RANBP2: variants seen among roughly 807,000 people sequenced by gnomAD.
RANBP2 encodes the protein RAN binding protein 2, also known as E3 SUMO-protein ligase RanBP2.
A neutral mutation model predicts 303.6 loss-of-function variants in RANBP2; 57 were observed. The ratio of observed to expected loss-of-function variants is 0.19; its 90% CI spans 0.15 to 0.23. The LOEUF (loss-of-function observed/expected upper bound fraction) is 0.23, where lower values mean the gene tolerates loss of function less well. RANBP2 is among the 10% of genes least tolerant of loss of function. The probability of loss-of-function intolerance (pLI) is 1.00; values close to 1 mark genes in which losing one functional copy is unlikely to be tolerated. For missense variants in RANBP2, 3,138 were observed against 3,780.8 expected (o/e 0.83, Z 4.46); for synonymous variants, 1,167 against 1,301.5 (o/e 0.90, Z 2.23).
chr2:109,124,797 G>T, the RANBP2 span, among the ~76,000 whole-genome samples: 2 of 152,130 alleles, frequency 1.3e-5, no homozygotes, highest in African/African-American at 4.8e-5. Flanking sequence ...AAATGAGTAC[G>T]TTTAGGGTTG....
downstream of RANBP2, chr2:108,787,057 C>T (rs887536702): frequency 1.1e-5 from 5 of 441,204 alleles, no homozygotes; most frequent in Non-Finnish European, 1.9e-5. Context: ...GCTTGGGCCT[C>T]GTGGAAGCAG....
At chr2:109,129,179 C>T in the RANBP2 span, 5 of 458,356 alleles carry the variant, frequency 1.1e-5, no homozygotes, top group African/African-American at 2.1e-5. Flanking sequence ...CCGCTGGTCT[C>T]CCAGGCGCGA....
the RANBP2 span, among the ~76,000 whole-genome samples, chr2:109,272,506 G>A: frequency 3.3e-5 from 5 of 152,222 alleles, no homozygotes; most frequent in Non-Finnish European, 5.9e-5. Flanking sequence ...CTAACTGTGT[G>A]CTGCACTCAC....
the RANBP2 span, among the ~76,000 whole-genome samples, chr2:108,927,741 C>T: frequency 6.6e-6 from 1 of 152,154 alleles, no homozygotes; most frequent in Admixed American, 6.5e-5. Flanking sequence ...GGTTAGCTAT[C>T]TAGGTCTGGA....
the RANBP2 span, among the ~76,000 whole-genome samples, chr2:108,831,101 G>A: frequency 3.3e-5 from 5 of 151,978 alleles, no homozygotes; most frequent in Admixed American, 6.5e-5. Flanking sequence ...CTTAAACCCC[G>A]GAGGCAGAAG....
chr2:109,176,380 A>G, the RANBP2 span, among the ~76,000 whole-genome samples: 1 of 151,820 alleles, frequency 6.6e-6, no homozygotes, highest in Non-Finnish European at 1.5e-5. Flanking sequence ...AGAGAACACC[A>G]TGTGCAATGG....
the RANBP2 span, among the ~76,000 whole-genome samples, chr2:109,450,917 G>T: frequency 1.3e-5 from 2 of 152,208 alleles, no homozygotes; most frequent in African/African-American, 4.8e-5. Flanking sequence ...ACACTAGATG[G>T]TGTGTTCCAG....
the RANBP2 span, among the ~76,000 whole-genome samples, chr2:109,644,686 T>TC: frequency 2.6e-5 from 4 of 152,158 alleles, no homozygotes; most frequent in Non-Finnish European, 4.4e-5. Flanking sequence ...AACACTGTTT[T>TC]CCCGGGCAGT....
chr2:109,472,578 G>A, the RANBP2 span, among the ~76,000 whole-genome samples: 1 of 152,146 alleles, frequency 6.6e-6, no homozygotes, highest in East Asian at 1.9e-4. Context: ...CTGCCTTCTG[G>A]TTGGATGAAG....
chr2:108,798,441 C>T, the RANBP2 span: 1 of 1,612,524 alleles, frequency 6.2e-7, no homozygotes. Flanking sequence ...GAAACTGCAG[C>T]ACAACAGAAA....
the RANBP2 span, among the ~76,000 whole-genome samples, chr2:109,196,297 C>G: frequency 6.6e-6 from 1 of 152,222 alleles, no homozygotes; most frequent in Admixed American, 6.5e-5. Context: ...AGGCCAGCAG[C>G]CCTGGATTGG....
At chr2:108,740,431 C>T (rs1473282264) in intron 6 of RANBP2, 58 bp from the exon 7 acceptor site, 1 of 1,594,808 alleles carries the variant, frequency 6.3e-7, no homozygotes, top group African/African-American at 1.3e-5. Flanking sequence ...TTAAATAAAC[C>T]ATGATTATTC....
At chr2:109,047,821 A>G in the RANBP2 span, among the ~76,000 whole-genome samples, 1 of 152,272 alleles carries the variant, frequency 6.6e-6, no homozygotes, top group African/African-American at 2.4e-5. Flanking sequence ...AAACAAAAAA[A>G]CAAAATCCAA....
chr2:108,864,793 C>CAAAA, the RANBP2 span, among the ~76,000 whole-genome samples: 1 of 125,062 alleles, frequency 8.0e-6, no homozygotes, highest in Non-Finnish European at 1.6e-5. Context: ...GACTCCATCT[C>CAAAA]AAAAAAAAAA....
the RANBP2 span, among the ~76,000 whole-genome samples, chr2:108,812,439 G>T: frequency 6.6e-6 from 1 of 152,110 alleles, no homozygotes; most frequent in Non-Finnish European, 1.5e-5. Context: ...TGAAGTAAAT[G>T]ATCTTACAAA....
At chr2:109,733,045 A>G in the RANBP2 span, 2 of 563,794 alleles carry the variant, frequency 3.5e-6, no homozygotes, top group African/African-American at 3.8e-5. Flanking sequence ...GCAGACCTCC[A>G]AGAAGGAGAA....
chr2:109,431,340 C>T, the RANBP2 span, among the ~76,000 whole-genome samples: 2 of 152,200 alleles, frequency 1.3e-5, no homozygotes, highest in African/African-American at 2.4e-5. Context: ...CACCAGCTTC[C>T]GTGGCTGAAT....
the RANBP2 span, among the ~76,000 whole-genome samples, chr2:109,007,425 G>A: frequency 8.2e-4 from 125 of 152,310 alleles, no homozygotes; most frequent in African/African-American, 2.8e-3. Flanking sequence ...TAAACAACAT[G>A]TACCTATAGC....
At chr2:109,547,665 C>G in the RANBP2 span, among the ~76,000 whole-genome samples, 1 of 152,006 alleles carries the variant, frequency 6.6e-6, no homozygotes, top group Non-Finnish European at 1.5e-5. Context: ...CTATATGGAT[C>G]ATAGAAGGCA....
Sources: gnomAD v4.1 joint callset for allele counts (sites outside exome capture counted in the v4.1 genomes callset) on GRCh38, gnomAD v4.1.1 for gene constraint, MANE v1.5 for transcripts, NCBI Gene and HGNC (gene_info 2026-07-23, HGNC 2026-07-21) for gene names.